Variants in LPP observed in about 807,000 individuals in gnomAD.
The protein encoded by LPP is lipoma-preferred partner.
Under a neutral mutation model 60.4 loss-of-function variants are expected in LPP, and 38 were observed. The ratio of observed to expected loss-of-function variants is 0.63; its 90% CI spans 0.49 to 0.83. LPP has a LOEUF of 0.83. Among genes scored for constraint, LPP ranks in the 40% least tolerant of loss-of-function variants. The probability of loss-of-function intolerance (pLI) is 0.00; values close to 1 mark genes in which losing one functional copy is unlikely to be tolerated. For missense variants in LPP, 902 were observed against 783.6 expected (o/e 1.15, Z -1.80); for synonymous variants, 328 against 290.8 (o/e 1.13, Z -1.30).
At chr3:188,538,541 T>C (rs1484819587) in intron 6 of LPP, among the ~76,000 whole-genome samples, 2 of 152,184 alleles carry the variant, frequency 1.3e-5, no homozygotes, top group Non-Finnish European at 2.9e-5. Context: ...ACAACATGTG[T>C]TGGCAATGTG....
At chr3:188,227,400 A>G (rs925550387) in intron 2 of LPP, among the ~76,000 whole-genome samples, 3 of 127,078 alleles carry the variant, frequency 2.4e-5, no homozygotes, top group African/African-American at 9.2e-5. Context: ...ATGTGTTCTC[A>G]TTGTTCAGTT....
intron 2 of LPP, among the ~76,000 whole-genome samples, chr3:188,270,718 T>C (rs1737464228): frequency 6.6e-6 from 1 of 152,220 alleles, no homozygotes; most frequent in African/African-American, 2.4e-5. Flanking sequence ...ATGCAGAACA[T>C]GAACTGTGAA....
At chr3:188,517,533 G>C (rs1191082844) in intron 5 of LPP, among the ~76,000 whole-genome samples, 3 of 152,194 alleles carry the variant, frequency 2.0e-5, no homozygotes, top group African/African-American at 7.2e-5. Context: ...GTGCCTGTAT[G>C]AGTCTGTTTT....
intron 5 of LPP, among the ~76,000 whole-genome samples, chr3:188,510,989 A>C (rs1815316052): frequency 6.6e-6 from 1 of 151,860 alleles, no homozygotes; most frequent in African/African-American, 2.4e-5. Context: ...TCTTCAATGC[A>C]ACTGTAAGCT....
chr3:188,407,791 T>TTTTTTTTTTTTTTTTTTTTTTTTTG (rs1783984681), intron 4 of LPP, among the ~76,000 whole-genome samples: 2 of 34,134 alleles, frequency 5.9e-5, no homozygotes, highest in African/African-American at 9.8e-5. Context: ...TTTGTTTGTT[T>TTTTTTTTTTTTTTTTTTTTTTTTTG]TTTTTTTTTT....
At chr3:188,374,939 G>A (rs567065769) in intron 3 of LPP, among the ~76,000 whole-genome samples, 27 of 151,456 alleles carry the variant, frequency 1.8e-4, no homozygotes, top group African/African-American at 6.5e-4. Flanking sequence ...TTTGTCAAAG[G>A]CCTTTTCTGC....
chr3:188,428,856 GT>G (rs1790175673), intron 4 of LPP, among the ~76,000 whole-genome samples: 1 of 152,098 alleles, frequency 6.6e-6, no homozygotes, highest in South Asian at 2.1e-4. Flanking sequence ...TAGCCATGGA[GT>G]TTAGTTAGTA....
chr3:188,509,377 G>T (rs1225550260), intron 5 of LPP, among the ~76,000 whole-genome samples: 1 of 152,058 alleles, frequency 6.6e-6, no homozygotes, highest in East Asian at 1.9e-4. Context: ...AAGAGTATAC[G>T]ACTTGGTCAA....
chr3:188,779,929 G>A (rs892780839), intron 9 of LPP, among the ~76,000 whole-genome samples: 18 of 151,868 alleles, frequency 1.2e-4, no homozygotes, highest in African/African-American at 3.9e-4. Flanking sequence ...TGAGCCTAAC[G>A]AACAGATTTC....
intron 8 of LPP, among the ~76,000 whole-genome samples, chr3:188,746,228 TC>T (rs1333296788): frequency 6.6e-5 from 10 of 152,168 alleles, no homozygotes; most frequent in African/African-American, 2.4e-4. Flanking sequence ...CTTTAATCTT[TC>T]TGTACAGTCG....
At chr3:188,315,930 T>G (rs992462797) in intron 2 of LPP, among the ~76,000 whole-genome samples, 1 of 152,222 alleles carries the variant, frequency 6.6e-6, no homozygotes, top group Admixed American at 6.5e-5. Flanking sequence ...ATTTTAAAAG[T>G]CTACATAGTT....
At chr3:188,308,768 G>A (rs1169209744) in intron 2 of LPP, among the ~76,000 whole-genome samples, 1 of 152,160 alleles carries the variant, frequency 6.6e-6, no homozygotes, top group Non-Finnish European at 1.5e-5. Context: ...CTTCGGTCAA[G>A]GACTTGATCT....
At chr3:188,827,331 G>A (rs1299935446) in intron 9 of LPP, among the ~76,000 whole-genome samples, 1 of 152,174 alleles carries the variant, frequency 6.6e-6, no homozygotes, top group African/African-American at 2.4e-5. Context: ...TTAGACACAT[G>A]ATTGTGAGAA....
intron 6 of LPP, among the ~76,000 whole-genome samples, chr3:188,564,720 G>A (rs1317910748): frequency 6.6e-6 from 1 of 151,894 alleles, no homozygotes; most frequent in Admixed American, 6.6e-5. Context: ...AGACAACCAA[G>A]CCTCATGGAG....
At chr3:188,431,671 A>G (rs1184237149) in intron 4 of LPP, among the ~76,000 whole-genome samples, 2 of 152,172 alleles carry the variant, frequency 1.3e-5, no homozygotes, top group East Asian at 1.9e-4. Flanking sequence ...CACTCCCTGC[A>G]TTCTTGAGGC....
Position 188,438,375 on chromosome 3 carries a change from A to T in LPP, c.193+32062A>T, listed in dbSNP as rs966061391. Among the ~76,000 whole-genome samples, 86 of 151,804 alleles carry T rather than the reference A, an allele frequency of 5.7e-4. 1 individual carries two copies. Among genetic ancestry groups the T allele is most frequent in the African/African-American group, 2.0e-3 (83 of 41,400 alleles). On this transcript the variant is annotated intron_variant, in intron 4 of 11. Coordinates refer to ENST00000617246, the MANE Select transcript of LPP (RefSeq NM_001375462.1). ...GCATTACACACACACACACACACAC[A>T]CACACACACACACACACACACACAC... is the stretch of plus-strand genomic sequence containing the variant.
chr3:188,445,995 G>A (rs371077807), intron 4 of LPP, among the ~76,000 whole-genome samples: 4 of 152,162 alleles, frequency 2.6e-5, no homozygotes, highest in South Asian at 4.1e-4. Context: ...CATTTAACAG[G>A]GAGGGGAAGT....
intron 7 of LPP, among the ~76,000 whole-genome samples, chr3:188,617,055 A>T (rs1844979403): frequency 6.6e-6 from 1 of 152,164 alleles, no homozygotes; most frequent in African/African-American, 2.4e-5. Context: ...TTTATGGATA[A>T]GCCTATTCAT....
intron 3 of LPP, among the ~76,000 whole-genome samples, chr3:188,347,919 G>A (rs1292856697): frequency 1.3e-5 from 2 of 152,144 alleles, no homozygotes; most frequent in African/African-American, 4.8e-5. Flanking sequence ...GGCTCTCTGA[G>A]AATAATGGCA....
Sources: allele counts gnomAD v4.1 joint callset (sites outside exome capture counted in the v4.1 genomes callset), GRCh38; gene constraint gnomAD v4.1.1; transcripts MANE v1.5; gene names NCBI Gene and HGNC (gene_info 2026-07-23, HGNC 2026-07-21).